Variants in LY6K observed in about 807,000 individuals in gnomAD.
LY6K encodes the protein lymphocyte antigen 6 family member K, also known as lymphocyte antigen 6K.
LY6K carries 9 observed loss-of-function variants against 10.4 expected under a neutral mutation model. That is an observed-to-expected ratio of 0.87 (90% CI 0.52 to 1.52). The LOEUF is 1.52. LY6K is among the 40% of genes most tolerant of loss of function. The pLI is 0.00. For missense variants in LY6K, 217 were observed against 211.7 expected (o/e 1.02, Z -0.15); for synonymous variants, 98 against 83.7 (o/e 1.17, Z -0.94).
rs1814943740 is a variant in LY6K, at chr8:142,700,237, G to A, written c.-291G>A. On this transcript the variant is annotated 5_prime_UTR_variant, in exon 1 of 3. Transcript: ENST00000292430. ...GGGCTCAGGGGCTGCGTTTCCACACGCGCCTTTCCCAGGGCTCCCGCGCCC... is the reference window on the plus strand; with the variant it reads ...GGGCTCAGGGGCTGCGTTTCCACACACGCCTTTCCCAGGGCTCCCGCGCCC... 1 of 905,670 alleles carries A rather than the reference G, an allele frequency of 1.1e-6. No homozygotes were observed. The highest frequency in any genetic ancestry group is 1.4e-6 in the Non-Finnish European group (1 of 708,340). The allele number at this position is 905,670 out of a possible 1,614,324, so 56.1% of individuals were successfully genotyped here.
rs1279923646 is a variant in LY6K at position 142,704,806 on chromosome 8, G to A, written c.*1435G>A. 1 of 152,130 alleles carries A rather than the reference G, an allele frequency of 6.6e-6. No homozygotes were observed. Among genetic ancestry groups the A allele is most frequent in the Non-Finnish European group, 1.5e-5 (1 of 68,028 alleles). 9.4% of individuals were successfully genotyped at this position (152,130 alleles called of 1,614,324 possible). A position where few individuals can be genotyped will look rare whatever the true frequency, so the allele number is the denominator to read the frequency against. ...TCCGGCTATAATTATATGAAGAAATGCTTCAGGATCTTGATTCCACTTGTT... is the reference window on the plus strand; with the variant it reads ...TCCGGCTATAATTATATGAAGAAATACTTCAGGATCTTGATTCCACTTGTT... On this transcript the variant is annotated 3_prime_UTR_variant, in exon 3 of 3. Transcript: ENST00000292430.
Position 142,701,582 on chromosome 8 carries a change from T to G in LY6K, c.104-18T>G. ...GAGAACTGGAACATTCTGCTTTCTT[T>G]TTTATTCCTCCTTTCAGACGAGGGT... On this transcript the variant is annotated intron_variant, in intron 1 of 2. Transcript: ENST00000292430. The G allele has an allele frequency of 6.5e-7, 1 of 1,548,042 alleles. No homozygotes were observed. Among genetic ancestry groups the G allele is most frequent in the Admixed American group, 1.7e-5 (1 of 59,828 alleles).
chr8:142,702,109 T>C, intron 2 of LY6K: 1 of 253,708 alleles, frequency 3.9e-6, no homozygotes, highest in Non-Finnish European at 7.6e-6. Flanking sequence ...GCGCCCTGCC[T>C]TTTTTTCCCT....
chr8:142,700,747 C>G, intron 1 of LY6K, 117 bp downstream of exon 1: 1 of 1,104,056 alleles, frequency 9.1e-7, no homozygotes. Flanking sequence ...GTTCAGGCGG[C>G]CCGTGGCGCC....
chr8:142,702,809 G>A, intron 2 of LY6K: 4 of 1,497,758 alleles, frequency 2.7e-6, no homozygotes, highest in African/African-American at 1.4e-5. Context: ...CCAACCCTGT[G>A]TTTGAGAAGT....
Position 142,703,645 on chromosome 8 carries a change from C to A in LY6K, c.*274C>A. The A allele has an allele frequency of 2.2e-6, 1 of 444,680 alleles. No homozygotes were observed. Among genetic ancestry groups the A allele is most frequent in the Non-Finnish European group, 4.0e-6 (1 of 247,960 alleles). The allele number at this position is 444,680 out of a possible 1,614,324, so 27.5% of individuals were successfully genotyped here. ...CTTGTAACTCATTTATTGCTGATGG[C>A]CACTCTTTTCCTTGACTCCCCTCTG... On this transcript the variant is annotated 3_prime_UTR_variant, in exon 3 of 3. Coordinates refer to ENST00000292430, the MANE Select transcript of LY6K (RefSeq NM_017527.4).
rs782046607 is a variant in LY6K, at chr8:142,703,345, A to C, written c.472A>C (p.Ile158Leu). 4.3e-6 allele frequency: 7 copies of C among 1,611,844 alleles called. No homozygotes were observed. The highest frequency in any genetic ancestry group is 5.9e-6 in the Non-Finnish European group (7 of 1,179,526). The change falls in exon 3 of 3, where the codon ATT becomes CTT. Residue 158 changes from isoleucine to leucine, a missense_variant. By Grantham distance (5) the Ile-to-Leu change is conservative. Transcript: ENST00000292430. ...GGCCATCCTCCTGCTGCTGGCCTCCATTGCAGCCGGCCTCAGCCTGTCTTG... is the reference window on the plus strand; with the variant it reads ...GGCCATCCTCCTGCTGCTGGCCTCCCTTGCAGCCGGCCTCAGCCTGTCTTG... ...WLAILLLLAS[I>L]AAGLSLS is the part of the protein sequence containing the mutation.
intron 2 of LY6K, 124 bp from the exon 3 acceptor site, chr8:142,702,967 C>T (rs1221740011): frequency 1.0e-5 from 16 of 1,555,076 alleles, no homozygotes; most frequent in African/African-American, 4.1e-5. Flanking sequence ...CCCTTGGTGC[C>T]CCAGTTGACT....
intron 2 of LY6K, chr8:142,702,367 T>C: frequency 1.3e-6 from 1 of 789,520 alleles, no homozygotes; most frequent in Non-Finnish European, 2.1e-6. Flanking sequence ...TTCAAGTGTG[T>C]TCTCAAAGGA....
In LY6K at chr8:142,701,628, T is replaced by C. The variant is rs782002103; in HGVS notation, c.132T>C (p.His44=). The change falls in exon 2 of 3, where the codon CAT becomes CAC. Residue 44 remains histidine, a synonymous_variant. Coordinates refer to ENST00000292430, the MANE Select transcript of LY6K (RefSeq NM_017527.4). ...TDEGDNRVWC[H]VCERENTFEC... ...AGGGTGACAATAGAGTGTGGTGTCA[T>C]GTTTGTGAGAGAGAAAACACTTTCG... 4 of 1,613,580 alleles carry C rather than the reference T, an allele frequency of 2.5e-6. No homozygotes were observed. In the South Asian group the frequency reaches 3.3e-5, roughly 13 times the overall value.
At chr8:142,701,546 A>G (rs1815032864) in intron 1 of LY6K, 54 bp from the exon 2 acceptor site, 2 of 1,203,964 alleles carry the variant, frequency 1.7e-6, no homozygotes, top group Non-Finnish European at 2.5e-6. Context: ...TGTGTTCATC[A>G]GATAGGCACG....
rs1815144888 is a variant in LY6K, at chr8:142,704,273, C to T, written c.*902C>T. ...TAATGGTACCAGCCATTCAGTTCAT[C>T]CCTAAAGAATTGGGCACCCTGGGAA... On this transcript the variant is annotated 3_prime_UTR_variant, in exon 3 of 3. Transcript: ENST00000292430. 5 of 152,224 alleles carry T rather than the reference C, an allele frequency of 3.3e-5. No individual in the cohort carries two copies. Among genetic ancestry groups the T allele is most frequent in the Admixed American group, 2.0e-4 (3 of 15,286 alleles). 9.4% of individuals were successfully genotyped at this position (152,224 alleles called of 1,614,324 possible).
chr8:142,702,383 C>T (rs1554640300), intron 2 of LY6K: 15 of 964,412 alleles, frequency 1.6e-5, no homozygotes, highest in Non-Finnish European at 2.4e-5. Context: ...AAGGAGGGTG[C>T]ATGCCTTAAA....
At position 142,700,551 on chromosome 8, in the gene LY6K, G is replaced by T; in HGVS notation, c.24G>T (p.Leu8=). 2 of 1,587,170 alleles carry T rather than the reference G, an allele frequency of 1.3e-6. No homozygotes were observed. Among genetic ancestry groups the T allele is most frequent in the South Asian group, 2.3e-5 (2 of 87,228 alleles). MALLALL[L]VVALPRVWTD... is the part of the protein sequence containing the mutation. ...CGATGGCGCTGCTCGCCTTGCTGCT[G>T]GTCGTGGCCCTACCGCGGGTGTGGA... Residue 8 remains leucine (L), a synonymous_variant, in exon 1 of 3, where the codon CTG becomes CTT. Transcript: ENST00000292430.
Position 142,700,577 on chromosome 8 carries a change from C to G in LY6K, c.50C>G (p.Thr17Arg). The G allele has an allele frequency of 6.3e-7, 1 of 1,584,338 alleles. No individual in the cohort carries two copies. Among genetic ancestry groups the G allele is most frequent in the Non-Finnish European group, 8.6e-7 (1 of 1,167,570 alleles). ...GTCGTGGCCCTACCGCGGGTGTGGA[C>G]AGACGCCAACCTGACTGCGAGACAA... ...LLVVALPRVW[T>R]DANLTARQRD... Residue 17 changes from threonine to arginine, a missense_variant, in exon 1 of 3, where the codon ACA becomes AGA. Transcript: ENST00000292430.
In LY6K at chr8:142,700,424, C is replaced by G; in HGVS notation, c.-104C>G. ...GCGCCCCGGGGCGGGCGGGGCTCCC[C>G]CTACCGGCCAGACCCGGGGAGAGGC... On this transcript the variant is annotated 5_prime_UTR_variant, in exon 1 of 3. Transcript: ENST00000292430. 7.2e-7 allele frequency: 1 copy of G among 1,382,714 alleles called. No homozygotes were observed. The highest frequency in any genetic ancestry group is 9.3e-7 in the Non-Finnish European group (1 of 1,069,826). 85.7% of individuals were successfully genotyped at this position (1,382,714 alleles called of 1,614,324 possible).
rs781913181 is a variant in LY6K at position 142,702,618 on chromosome 8, G to A, written c.218-473G>A. The A allele has an allele frequency of 3.1e-5, 48 of 1,534,608 alleles. No homozygotes were observed. In the East Asian group the frequency reaches 6.6e-4, roughly 21 times the overall value. On this transcript the variant is annotated intron_variant, in intron 2 of 2. Transcript: ENST00000292430. ...CTTCAGACTCAGTGTGGCCCACATC[G>A]ACTTTATAACTTAATATGGCAAAAT...
At chr8:142,701,459 C>T in intron 1 of LY6K, 141 bp from the exon 2 acceptor site, 1 of 644,490 alleles carries the variant, frequency 1.6e-6, no homozygotes, top group East Asian at 2.8e-5. Context: ...GCGGCTCACT[C>T]GAGTCATGTG....
chr8:142,702,936 G>A (rs1554640381), intron 2 of LY6K, 155 bp from the exon 3 acceptor site: 11 of 1,550,746 alleles, frequency 7.1e-6, no homozygotes, highest in Non-Finnish European at 9.6e-6. Context: ...ACACAGGCCT[G>A]GCCCTCGTCC....
Sources: allele counts gnomAD v4.1 joint callset, GRCh38; gene constraint gnomAD v4.1.1; transcripts MANE v1.5; gene names NCBI Gene and HGNC (gene_info 2026-07-23, HGNC 2026-07-21).